The following OR52N4 variants were observed in gnomAD, a reference collection of about 807,000 sequenced individuals.
The protein encoded by OR52N4 is olfactory receptor family 52 subfamily N member 4, also known as olfactory receptor 52N4.
OR52N4 carries 15 observed loss-of-function variants against 15.0 expected under a neutral mutation model. The ratio of observed to expected loss-of-function variants is 1.00; its 90% CI spans 0.67 to 1.54. The LOEUF (loss-of-function observed/expected upper bound fraction) is 1.54. OR52N4 is among the 40% of genes most tolerant of loss of function. The probability of loss-of-function intolerance (pLI) is 0.00; values close to 1 mark genes in which losing one functional copy is unlikely to be tolerated. For missense variants in OR52N4, 421 were observed against 394.0 expected (o/e 1.07, Z -0.58); for synonymous variants, 143 against 143.7 (o/e 1.00, Z 0.03).
At chr11:5,754,618 A>G in intron 1 of OR52N4, 75 bp from the exon 2 acceptor site, 4 of 1,057,924 alleles carry the variant, frequency 3.8e-6, no homozygotes, top group Non-Finnish European at 5.3e-6. Flanking sequence ...TGCATTATGG[A>G]ATTTTTAAAA....
chr11:5,739,593 G>A, the OR52N4 span, among the ~76,000 whole-genome samples: 1 of 120,738 alleles, frequency 8.3e-6, no homozygotes, highest in Non-Finnish European at 1.8e-5. Context: ...CATGATAAGT[G>A]GGCAGTTCAA....
In OR52N4 at chr11:5,755,268, TC is replaced by T; in HGVS notation, c.532del (p.His178IlefsTer9). On this transcript the variant is annotated frameshift_variant, in exon 2 of 2. Coordinates refer to ENST00000641350, the MANE Select transcript of OR52N4 (RefSeq NM_001005175.5). LOFTEE classifies it high-confidence loss of function. ...LLPYCRGNIL[P>X]HTYCDHMSVA... ...TGCCCTACTGCAGAGGCAATATACT[TC>T]CCCATACCTACTGTGACCACATGTC... 1 of 1,614,044 alleles carries T rather than the reference TC, an allele frequency of 6.2e-7. No homozygotes were observed. The highest frequency in any genetic ancestry group is 1.1e-5 in the South Asian group (1 of 91,078).
the OR52N4 span, chr11:5,736,993 G>A: frequency 6.2e-6 from 10 of 1,614,120 alleles, no homozygotes; most frequent in Non-Finnish European, 8.5e-6. Flanking sequence ...TCATGGTGCT[G>A]AGAAATGGCT....
At chr11:5,726,883 C>A in the OR52N4 span, 1 of 158,772 alleles carries the variant, frequency 6.3e-6, no homozygotes, top group South Asian at 2.0e-4. Context: ...GCTACGTGGC[C>A]ATCTGCCACC....
the OR52N4 span, among the ~76,000 whole-genome samples, chr11:5,731,133 C>T: frequency 6.6e-6 from 1 of 152,140 alleles, no homozygotes; most frequent in African/African-American, 2.4e-5. Context: ...AAACTAAAAA[C>T]TTTCAGGAAG....
At chr11:5,733,973 T>C in the OR52N4 span, among the ~76,000 whole-genome samples, 3 of 152,164 alleles carry the variant, frequency 2.0e-5, no homozygotes, top group Non-Finnish European at 2.9e-5. Context: ...TCTATTCTAG[T>C]GGGATTTAAC....
At position 5,755,069 on chromosome 11, in the gene OR52N4, C is replaced by A. The variant is rs1564958740; in HGVS notation, c.329C>A (p.Thr110Lys). The change falls in exon 2 of 2, where the codon ACA becomes AAA. Residue 110 changes from threonine (T) to lysine (K), a missense_variant. By Grantham distance (78) the Thr-to-Lys change is moderately conservative (BLOSUM62 -1). Coordinates refer to ENST00000641350, the MANE Select transcript of OR52N4 (RefSeq NM_001005175.5). Reference sequence around the variant, plus strand: ...CAGATGTTCTTCACCCACACCTTCACAGGGATGGAGTCTGGGGTGCTTATG... The same window carrying A: ...CAGATGTTCTTCACCCACACCTTCAAAGGGATGGAGTCTGGGGTGCTTATG... ...LVQMFFTHTF[T>K]GMESGVLMLM... 1.2e-6 allele frequency: 2 copies of A among 1,614,018 alleles called. No individual in the cohort carries two copies. The highest frequency in any genetic ancestry group is 2.7e-5 in the African/African-American group (2 of 75,018).
chr11:5,753,118 T>G (rs914980683), upstream of OR52N4, among the ~76,000 whole-genome samples: 13 of 152,178 alleles, frequency 8.5e-5, no homozygotes, highest in Non-Finnish European at 1.5e-4. Flanking sequence ...TTCTAATTGA[T>G]GTATTCTAGT....
chr11:5,734,118 T>G, the OR52N4 span: 2 of 454,460 alleles, frequency 4.4e-6, no homozygotes, highest in Admixed American at 4.7e-5. Flanking sequence ...ACATCTTAGC[T>G]GACAACACAT....
In OR52N4 at chr11:5,755,127, C is replaced by A. The variant is rs751866859; in HGVS notation, c.387C>A (p.Cys129Ter). ...LMALDRYVAI[C>*]YPLRYSTILT... ...CCCTGGATCGCTATGTGGCCATCTG[C>A]TACCCCTTACGCTATTCAACTATCC... The change falls in exon 2 of 2, where the codon TGC becomes TGA. Residue 129 changes from cysteine (C) to a stop codon, truncating the protein, a stop_gained. Transcript: ENST00000641350. LOFTEE classifies it high-confidence loss of function. 7.4e-6 allele frequency: 12 copies of A among 1,614,072 alleles called. No homozygotes were observed. The Admixed American group carries it at 1.8e-4, about 25-fold the overall frequency.
chr11:5,749,511 G>A (rs1854145487), upstream of OR52N4, among the ~76,000 whole-genome samples: 1 of 151,934 alleles, frequency 6.6e-6, no homozygotes, highest in Non-Finnish European at 1.5e-5. Flanking sequence ...TGGAAGTCAA[G>A]TGTGGATTAC....
the OR52N4 span, chr11:5,735,846 G>A: frequency 6.6e-6 from 1 of 152,134 alleles, no homozygotes; most frequent in Non-Finnish European, 1.5e-5. Context: ...AGTTGTACAA[G>A]ATGAATAAGT....
In OR52N4 at chr11:5,755,909, C is replaced by T; in HGVS notation, c.*203C>T. On this transcript the variant is annotated 3_prime_UTR_variant, in exon 2 of 2. Transcript: ENST00000641350. ...TTTCTATAAATTTTTTACCTTCTCACTCATGTGAAGGACCAGTCTAATAAT... is the reference window on the plus strand; with the variant it reads ...TTTCTATAAATTTTTTACCTTCTCATTCATGTGAAGGACCAGTCTAATAAT... 1.7e-6 allele frequency: 1 copy of T among 605,958 alleles called. No homozygotes were observed. Among genetic ancestry groups the T allele is most frequent in the Non-Finnish European group, 2.8e-6 (1 of 356,662 alleles). The allele number at this position is 605,958 out of a possible 1,614,324, so 37.5% of individuals were successfully genotyped here.
chr11:5,737,308 TGTA>T, the OR52N4 span: 2 of 1,614,026 alleles, frequency 1.2e-6, no homozygotes, highest in Non-Finnish European at 1.7e-6. Context: ...ACACTATTGT[TGTA>T]GTGATTTCAG....
chr11:5,741,765 T>A, the OR52N4 span, among the ~76,000 whole-genome samples: 5 of 152,032 alleles, frequency 3.3e-5, no homozygotes, highest in African/African-American at 1.2e-4. Flanking sequence ...GGCAAATAAC[T>A]GCCAGAAGCC....
the OR52N4 span, among the ~76,000 whole-genome samples, chr11:5,741,371 C>G: frequency 6.6e-6 from 1 of 152,196 alleles, no homozygotes; most frequent in Admixed American, 6.5e-5. Flanking sequence ...GGAGATGGGT[C>G]AGACTCACTG....
chr11:5,727,316 A>T, the OR52N4 span: 1 of 152,716 alleles, frequency 6.5e-6, no homozygotes. Context: ...GTTCCAGTCC[A>T]TATTCACATT....
the OR52N4 span, chr11:5,736,842 A>G: frequency 1.9e-6 from 3 of 1,613,858 alleles, no homozygotes; most frequent in Non-Finnish European, 2.5e-6. Context: ...TGCTTTGCTC[A>G]GATTTATGCC....
At chr11:5,740,637 T>C in the OR52N4 span, among the ~76,000 whole-genome samples, 6 of 124,242 alleles carry the variant, frequency 4.8e-5, 2 homozygotes, top group Non-Finnish European at 1.1e-4. Context: ...GGAAACCCCG[T>C]CTCTACAAAA....
Sources: allele counts gnomAD v4.1 joint callset (sites outside exome capture counted in the v4.1 genomes callset), GRCh38; gene constraint gnomAD v4.1.1; transcripts MANE v1.5; gene names NCBI Gene and HGNC (gene_info 2026-07-23, HGNC 2026-07-21).